The following MEI4 variants were observed in gnomAD, a reference collection of about 807,000 sequenced individuals.
The protein encoded by MEI4 is meiosis-specific protein MEI4.
MEI4 carries 27 observed loss-of-function variants against 31.4 expected under a neutral mutation model. That is an observed-to-expected ratio of 0.86 (90% CI 0.63 to 1.19). MEI4 has a LOEUF of 1.19. MEI4 is among the 50% of genes most tolerant of loss of function. The pLI is 0.00. For missense variants in MEI4, 329 were observed against 398.9 expected (o/e 0.82, Z 1.49); for synonymous variants, 122 against 145.4 (o/e 0.84, Z 1.16).
At chr6:77,765,868 T>G (rs1768161635) in intron 3 of MEI4, among the ~76,000 whole-genome samples, 1 of 152,168 alleles carries the variant, frequency 6.6e-6, no homozygotes, top group South Asian at 2.1e-4. Flanking sequence ...TAAAAAATGA[T>G]GAGTTCATGT....
At chr6:77,701,798 G>A (rs1561951038) in intron 2 of MEI4, among the ~76,000 whole-genome samples, 1 of 152,070 alleles carries the variant, frequency 6.6e-6, no homozygotes. Context: ...ATTAATTACA[G>A]GGCACTTGTA....
At chr6:77,728,912 G>GGA (rs1163764698) in intron 2 of MEI4, among the ~76,000 whole-genome samples, 2 of 152,176 alleles carry the variant, frequency 1.3e-5, no homozygotes, top group African/African-American at 4.8e-5. Flanking sequence ...GCTGCTGTAT[G>GGA]GAGAATGGGC....
intron 3 of MEI4, among the ~76,000 whole-genome samples, chr6:77,814,172 T>C (rs1042407155): frequency 6.6e-6 from 1 of 151,964 alleles, no homozygotes; most frequent in Non-Finnish European, 1.5e-5. Flanking sequence ...AAGGGAGAGT[T>C]AGGAGATTTT....
intron 4 of MEI4, among the ~76,000 whole-genome samples, chr6:77,876,427 G>GAT (rs1771339954): frequency 6.6e-6 from 1 of 152,058 alleles, no homozygotes; most frequent in Non-Finnish European, 1.5e-5. Flanking sequence ...TTTACCATGT[G>GAT]ATACCCTTAG....
Position 77,923,237 on chromosome 6 carries a change from A to C in MEI4, c.1049A>C (p.His350Pro), listed in dbSNP as rs1345399924. ...DQEIKKFLQK[H>P]DETIFQLSDA... Reference sequence around the variant, plus strand: ...GAAATCAAGAAATTTCTTCAGAAGCATGATGAAACTATTTTCCAACTTTCT... The same window carrying C: ...GAAATCAAGAAATTTCTTCAGAAGCCTGATGAAACTATTTTCCAACTTTCT... The change falls in exon 5 of 5, where the codon CAT becomes CCT. Residue 350 changes from histidine to proline, a missense_variant. His to Pro is a moderately conservative substitution (Grantham distance 77). Coordinates refer to ENST00000684080, the MANE Select transcript of MEI4 (RefSeq NM_001322247.2). 62 of 1,230,586 alleles carry C rather than the reference A, an allele frequency of 5.0e-5. No homozygotes were observed. Among genetic ancestry groups the C allele is most frequent in the Non-Finnish European group, 6.0e-5 (59 of 986,908 alleles). 76.2% of individuals were successfully genotyped at this position (1,230,586 alleles called of 1,614,324 possible).
chr6:77,674,635 G>A (rs1232241998), intron 1 of MEI4, among the ~76,000 whole-genome samples: 3 of 151,920 alleles, frequency 2.0e-5, no homozygotes, highest in African/African-American at 7.3e-5. Context: ...CTATGAGTTG[G>A]CATAATGACA....
At position 77,916,457 on chromosome 6, in the gene MEI4, A is replaced by T. The variant is rs145919255; in HGVS notation, c.901-6632A>T. On this transcript the variant is annotated intron_variant, in intron 4 of 4. Coordinates refer to ENST00000684080, the MANE Select transcript of MEI4 (RefSeq NM_001322247.2). ...CCATTATTTTGGTTATATTAGGCACATGGTGTTGGTTAGTTTGGTTGATGT... is the reference window on the plus strand; with the variant it reads ...CCATTATTTTGGTTATATTAGGCACTTGGTGTTGGTTAGTTTGGTTGATGT... Among the ~76,000 whole-genome samples, 208 of 152,122 alleles carry T rather than the reference A, an allele frequency of 1.4e-3. 1 individual carries two copies. The highest frequency in any genetic ancestry group is 4.4e-3 in the African/African-American group (182 of 41,536).
At chr6:77,740,825 T>C (rs909944914) in intron 2 of MEI4, among the ~76,000 whole-genome samples, 6 of 151,812 alleles carry the variant, frequency 4.0e-5, no homozygotes, top group Non-Finnish European at 7.4e-5. Flanking sequence ...AAAAAATATA[T>C]ATATAATATG....
At chr6:77,730,590 T>A (rs1027946140) in intron 2 of MEI4, among the ~76,000 whole-genome samples, 4 of 151,268 alleles carry the variant, frequency 2.6e-5, no homozygotes, top group African/African-American at 9.7e-5. Context: ...TTCAGTATTT[T>A]TTTTAGTCTT....
intron 2 of MEI4, among the ~76,000 whole-genome samples, chr6:77,735,741 T>C (rs1437057441): frequency 6.6e-6 from 1 of 152,100 alleles, no homozygotes; most frequent in African/African-American, 2.4e-5. Flanking sequence ...TTTTCTGCTT[T>C]GTTTTTTCCC....
chr6:77,923,919 A>C lies in MEI4; in HGVS notation c.*573A>C, dbSNP rs1425590687. 1 of 148,620 alleles carries C rather than the reference A, an allele frequency of 6.7e-6. No homozygotes were observed. The highest frequency in any genetic ancestry group is 2.5e-5 in the African/African-American group (1 of 40,366). The allele number at this position is 148,620 out of a possible 1,614,324, so 9.2% of individuals were successfully genotyped here. On this transcript the variant is annotated 3_prime_UTR_variant, in exon 5 of 5. Transcript: ENST00000684080. ...TATTTATTTCAATTTCATATGGCTA[A>C]TACATTTGTCGAGCTCTTTTGAAAA...
In MEI4 at chr6:77,795,764, T is replaced by G. The variant is rs6940249; in HGVS notation, c.769-33167T>G. On this transcript the variant is annotated intron_variant, in intron 3 of 4. Coordinates refer to ENST00000684080, the MANE Select transcript of MEI4 (RefSeq NM_001322247.2). The stretch of plus-strand genomic sequence containing the variant: ...GCAATAATGAATAAAGAGATTGCAT[T>G]GGAAAAAAAAAAAACTCCCAACAAA... Among the ~76,000 whole-genome samples the G allele has an allele frequency of 1.3e-4, 20 of 150,028 alleles. No homozygotes were observed. In the East Asian group the frequency reaches 3.0e-3, roughly 22 times the overall value.
At chr6:77,663,358 C>T (rs1425180596) in intron 1 of MEI4, among the ~76,000 whole-genome samples, 4 of 151,608 alleles carry the variant, frequency 2.6e-5, no homozygotes, top group East Asian at 2.0e-4. Flanking sequence ...GGTGCATGAT[C>T]GGTCGCCAAG....
chr6:77,729,331 G>A (rs1372969679), intron 2 of MEI4, among the ~76,000 whole-genome samples: 8 of 152,088 alleles, frequency 5.3e-5, no homozygotes, highest in African/African-American at 1.7e-4. Flanking sequence ...TTTCAAAATC[G>A]AAAAAGTTGC....
intron 2 of MEI4, among the ~76,000 whole-genome samples, chr6:77,752,733 C>T (rs1262755786): frequency 6.6e-6 from 1 of 152,152 alleles, no homozygotes; most frequent in Non-Finnish European, 1.5e-5. Context: ...CACTGACTTT[C>T]TTCACAGAAT....
At chr6:77,916,001 C>T (rs1469091899) in intron 4 of MEI4, among the ~76,000 whole-genome samples, 2 of 151,898 alleles carry the variant, frequency 1.3e-5, no homozygotes, top group African/African-American at 4.8e-5. Context: ...TTCAAAAAAC[C>T]TATTTTCAAG....
chr6:77,784,801 T>C (rs1192977167), intron 3 of MEI4, among the ~76,000 whole-genome samples: 1 of 152,148 alleles, frequency 6.6e-6, no homozygotes, highest in African/African-American at 2.4e-5. Flanking sequence ...TCCTTTTATA[T>C]CCCATGATAA....
chr6:77,698,203 G>T (rs770964470), intron 2 of MEI4, among the ~76,000 whole-genome samples: 1 of 151,986 alleles, frequency 6.6e-6, no homozygotes, highest in Admixed American at 6.6e-5. Context: ...ACACTGATGG[G>T]TCTTGACTTC....
chr6:77,800,698 T>A (rs922835383), intron 3 of MEI4, among the ~76,000 whole-genome samples: 2 of 150,402 alleles, frequency 1.3e-5, no homozygotes. Flanking sequence ...ATTTTTAGCA[T>A]GAAGTGCTGT....
Sources: allele counts gnomAD v4.1 joint callset (sites outside exome capture counted in the v4.1 genomes callset), GRCh38; gene constraint gnomAD v4.1.1; transcripts MANE v1.5; gene names NCBI Gene and HGNC (gene_info 2026-07-23, HGNC 2026-07-21).